KANK1: variants seen among roughly 807,000 people sequenced by gnomAD.
KANK1 encodes the protein KN motif and ankyrin repeat domain-containing protein 1.
In KANK1, 109 loss-of-function variants were observed where a neutral mutation model predicts 106.2. The observed-to-expected ratio is 1.03, with a 90% CI of 0.88 to 1.20. The LOEUF is 1.20. Among genes scored for constraint, KANK1 ranks in the 50% most tolerant of loss-of-function variants. KANK1 has a pLI of 0.00. For synonymous variants in KANK1, 873 were observed against 652.2 expected (o/e 1.34, Z -5.16); for missense variants, 2,399 against 1,710.7 (o/e 1.40, Z -7.10).
In KANK1 at chr9:643,701, T is replaced by G. The variant is rs28742113; in HGVS notation, c.-83-33189T>G. On this transcript the variant is annotated intron_variant, in intron 1 of 11. Transcript: ENST00000382297. ...AGCATTGATTTGTGGGGGTTTTTTG[T>G]TTTTTTTGGGTTTTTTTTAGAGACA... 3.4e-4 allele frequency among the ~76,000 whole-genome samples: 50 copies of G among 149,084 alleles called. 2 individuals are homozygous for G. The highest frequency in any genetic ancestry group is 3.5e-3 in the Middle Eastern group (1 of 288).
At chr9:622,747 CA>C (rs1436604547) in intron 1 of KANK1, among the ~76,000 whole-genome samples, 1 of 151,766 alleles carries the variant, frequency 6.6e-6, no homozygotes, top group Non-Finnish European at 1.5e-5. Context: ...ACTAAAAATA[CA>C]AAAAATGAGC....
intron 1 of KANK1, among the ~76,000 whole-genome samples, chr9:542,328 G>A (rs1052310137): frequency 1.8e-4 from 28 of 152,268 alleles, no homozygotes; most frequent in African/African-American, 5.8e-4. Flanking sequence ...GCAAAACCTC[G>A]TCTCTACTAA....
chr9:712,501 G>A lies in KANK1; in HGVS notation c.1735G>A (p.Asp579Asn), dbSNP rs763297076. The stretch of plus-strand genomic sequence containing the variant: ...TGTTAAGGAGAGGGTGGAAATGCAT[G>A]ACCGATGTGCTGGGAGGTCTGTGGA... ...WIVKERVEMH[D>N]RCAGRSVEMC... Residue 579 changes from aspartate to asparagine, a missense_variant, in exon 3 of 12, where the codon GAC becomes AAC. By Grantham distance (23) the Asp-to-Asn change is conservative. Coordinates refer to ENST00000382297, the MANE Select transcript of KANK1 (RefSeq NM_015158.5). 29 of 1,614,080 alleles carry A rather than the reference G, an allele frequency of 1.8e-5. No individual in the cohort carries two copies. The East Asian group carries it at 4.9e-4, about 27-fold the overall frequency.
In KANK1 at chr9:526,392, G is replaced by T. The variant is rs574055026; in HGVS notation, c.-84+21638G>T. 5.3e-5 allele frequency among the ~76,000 whole-genome samples: 8 copies of T among 151,618 alleles called. No individual in the cohort carries two copies. In the South Asian group the frequency reaches 1.0e-3, roughly 20 times the overall value. ...TAAGACCATCATTGGTTCTCATATG[G>T]GAAAAACCCTTGAATATTGGCTCTA... On this transcript the variant is annotated intron_variant, in intron 1 of 11. Coordinates refer to ENST00000382297, the MANE Select transcript of KANK1 (RefSeq NM_015158.5).
At chr9:628,631 A>T (rs1333168191) in intron 1 of KANK1, among the ~76,000 whole-genome samples, 2 of 152,114 alleles carry the variant, frequency 1.3e-5, no homozygotes, top group African/African-American at 4.8e-5. Flanking sequence ...GTAACTACTG[A>T]CTTAGGATTC....
chr9:515,598 A>G (rs1384587787), intron 1 of KANK1, among the ~76,000 whole-genome samples: 3 of 151,796 alleles, frequency 2.0e-5, no homozygotes, highest in East Asian at 1.9e-4. Context: ...TACTCTTTCA[A>G]CTTTTCTAAT....
intron 3 of KANK1, among the ~76,000 whole-genome samples, chr9:475,175 A>G (rs2058082498): frequency 6.6e-6 from 1 of 152,168 alleles, no homozygotes; most frequent in Admixed American, 6.5e-5. Flanking sequence ...TAAGAGGCAA[A>G]GTGGCGGAGT....
intron 1 of KANK1, among the ~76,000 whole-genome samples, chr9:674,936 C>T (rs1188193223): frequency 6.6e-6 from 1 of 152,074 alleles, no homozygotes; most frequent in Non-Finnish European, 1.5e-5. Flanking sequence ...AACTCCTGAC[C>T]TCAGGTGATC....
intron 3 of KANK1, among the ~76,000 whole-genome samples, chr9:473,623 C>A (rs2058056045): frequency 6.6e-6 from 1 of 152,146 alleles, no homozygotes; most frequent in Admixed American, 6.5e-5. Flanking sequence ...TAGTGTATAT[C>A]ATCCCCCAAC....
At chr9:529,422 A>G (rs1274409996) in intron 1 of KANK1, among the ~76,000 whole-genome samples, 1 of 150,324 alleles carries the variant, frequency 6.7e-6, no homozygotes, top group East Asian at 2.0e-4. Flanking sequence ...GATGGTGTTG[A>G]TCTCTCGACC....
intron 2 of KANK1, among the ~76,000 whole-genome samples, chr9:704,636 C>T (rs1218841246): frequency 6.6e-6 from 1 of 152,122 alleles, no homozygotes. Context: ...CATTTTATTG[C>T]AGTCAATTCC....
intron 2 of KANK1, chr9:693,669 C>A (rs1185454132): frequency 1.0e-6 from 1 of 985,260 alleles, no homozygotes; most frequent in Non-Finnish European, 1.2e-6. Flanking sequence ...AAATTCTCTG[C>A]AACAGCTCCT....
At chr9:598,839 C>T (rs1459993324) in intron 1 of KANK1, among the ~76,000 whole-genome samples, 1 of 148,852 alleles carries the variant, frequency 6.7e-6, no homozygotes, top group Non-Finnish European at 1.5e-5. Context: ...GACGTGTTGG[C>T]CAGACTGGTC....
intron 1 of KANK1, among the ~76,000 whole-genome samples, chr9:655,708 A>T (rs1841992829): frequency 6.6e-6 from 1 of 152,236 alleles, no homozygotes; most frequent in Non-Finnish European, 1.5e-5. Flanking sequence ...ATATATTTTT[A>T]CGTAGTATAG....
At chr9:581,009 C>G (rs868861073) in intron 1 of KANK1, among the ~76,000 whole-genome samples, 3 of 151,924 alleles carry the variant, frequency 2.0e-5, no homozygotes, top group South Asian at 2.1e-4. Context: ...CAGCTGCTGG[C>G]TGGAGTGCTA....
chr9:475,415 A>G (rs2058086015), intron 3 of KANK1, among the ~76,000 whole-genome samples: 1 of 152,194 alleles, frequency 6.6e-6, no homozygotes, highest in Non-Finnish European at 1.5e-5. Context: ...CAAACTGTGC[A>G]CTTGATCTCA....
intron 1 of KANK1, among the ~76,000 whole-genome samples, chr9:665,425 C>G (rs1002717270): frequency 6.6e-6 from 1 of 152,178 alleles, no homozygotes; most frequent in Non-Finnish European, 1.5e-5. Context: ...AAGAGACTGT[C>G]CTTTCCCTGT....
rs542712933 is a variant in KANK1 at position 492,513 on chromosome 9, A to G, written c.-362+19240A>G. ...ATAAATGCATCCTTTAGAGCTGTTA[A>G]GGGTTGCCTGGACAACTGTGAGGCT... On this transcript the variant is annotated intron_variant, in intron 3 of 15. Coordinates refer to the KANK1 transcript ENST00000382303. Among the ~76,000 whole-genome samples the G allele has an allele frequency of 4.6e-5, 7 of 152,328 alleles. No homozygotes were observed. In the East Asian group the frequency reaches 1.2e-3, roughly 25 times the overall value.
At chr9:554,932 C>G (rs1417973747) in intron 1 of KANK1, among the ~76,000 whole-genome samples, 2 of 152,186 alleles carry the variant, frequency 1.3e-5, no homozygotes, top group Non-Finnish European at 2.9e-5. Flanking sequence ...TCAGGGCAAA[C>G]AGGAAGAGAG....
Sources: allele counts gnomAD v4.1 joint callset (sites outside exome capture counted in the v4.1 genomes callset), GRCh38; gene constraint gnomAD v4.1.1; transcripts MANE v1.5; gene names NCBI Gene and HGNC (gene_info 2026-07-23, HGNC 2026-07-21).